The following ADAM23 variants were observed in gnomAD, a reference collection of about 807,000 sequenced individuals.
ADAM23 encodes the protein disintegrin and metalloproteinase domain-containing protein 23.
A neutral mutation model predicts 120.1 loss-of-function variants in ADAM23; 33 were observed. The observed-to-expected ratio is 0.27, with a 90% confidence interval of 0.21 to 0.37. The LOEUF (loss-of-function observed/expected upper bound fraction) is 0.37, where lower values mean the gene tolerates loss of function less well. Ranked by LOEUF, ADAM23 falls within the 10% of genes least tolerant of loss-of-function variation. The pLI is 1.00. For missense variants in ADAM23, 862 were observed against 1,058.2 expected (o/e 0.81, Z 2.57); for synonymous variants, 367 against 375.2 (o/e 0.98, Z 0.25).
At chr2:206,512,310 G>T (rs554500137) in intron 3 of ADAM23, among the ~76,000 whole-genome samples, 1 of 152,096 alleles carries the variant, frequency 6.6e-6, no homozygotes, top group Non-Finnish European at 1.5e-5. Flanking sequence ...TCAGGCATGA[G>T]ACACAGAAAA....
chr2:206,542,191 T>C, intron 5 of ADAM23, 57 bp downstream of exon 5: 5 of 1,525,428 alleles, frequency 3.3e-6, no homozygotes, highest in Non-Finnish European at 3.6e-6. Flanking sequence ...TTCCCTTTTA[T>C]GGATATATAT....
chr2:206,445,400 A>C lies in ADAM23; in HGVS notation c.308A>C (p.Tyr103Ser). The C allele has an allele frequency of 6.2e-7, 1 of 1,614,198 alleles. No individual in the cohort carries two copies. The highest frequency in any genetic ancestry group is 8.5e-7 in the Non-Finnish European group (1 of 1,180,014). Residue 103 changes from tyrosine (Y) to serine (S), a missense_variant, in exon 2 of 26, where the codon TAC becomes TCC. Coordinates refer to ENST00000264377, the MANE Select transcript of ADAM23 (RefSeq NM_003812.4). ...LQQNSSSNIS[Y>S]SNAMQKEITL... ...CAGAATAGCAGCAGTAATATCAGTT[A>C]CAGCAATGCAATGCAGAAAGAAATC... is the stretch of plus-strand genomic sequence containing the variant.
At chr2:206,498,623 A>G (rs1696311876) in intron 3 of ADAM23, among the ~76,000 whole-genome samples, 4 of 152,228 alleles carry the variant, frequency 2.6e-5, no homozygotes, top group South Asian at 4.1e-4. Context: ...ACCAAAAGCA[A>G]TGGCAACAAA....
chr2:206,455,854 G>T lies in ADAM23; in HGVS notation c.432+10330G>T, dbSNP rs556743151. 8.5e-5 allele frequency among the ~76,000 whole-genome samples: 13 copies of T among 152,236 alleles called. No homozygotes were observed. In the South Asian group the frequency reaches 2.3e-3, roughly 27 times the overall value. On this transcript the variant is annotated intron_variant, in intron 2 of 25. Coordinates refer to ENST00000264377, the MANE Select transcript of ADAM23 (RefSeq NM_003812.4). The stretch of plus-strand genomic sequence containing the variant: ...TTCCATTTCAGATCACCTCAGCCTG[G>T]ACTTTGCTGTCCATATCACTATCAG...
intron 2 of ADAM23, among the ~76,000 whole-genome samples, chr2:206,470,408 G>A (rs974509662): frequency 6.6e-6 from 1 of 152,148 alleles, no homozygotes; most frequent in Non-Finnish European, 1.5e-5. Flanking sequence ...ATAGTGGTCA[G>A]TATTCTAAAT....
chr2:206,582,121 G>T (rs13000871), intron 18 of ADAM23, among the ~76,000 whole-genome samples: 2 of 152,012 alleles, frequency 1.3e-5, no homozygotes, highest in Admixed American at 6.6e-5. Flanking sequence ...CAGGTGATCC[G>T]CCCGCCTTGG....
At chr2:206,614,647 T>A (rs1489445583) in intron 25 of ADAM23, among the ~76,000 whole-genome samples, 1 of 151,300 alleles carries the variant, frequency 6.6e-6, no homozygotes, top group Non-Finnish European at 1.5e-5. Flanking sequence ...AACAAAACTC[T>A]GTCTCAAAAA....
chr2:206,600,071 A>C (rs146689965), intron 24 of ADAM23, among the ~76,000 whole-genome samples: 3 of 152,110 alleles, frequency 2.0e-5, no homozygotes, highest in Non-Finnish European at 4.4e-5. Context: ...GCGTGGTGGC[A>C]GGCACCTGTA....
chr2:206,502,304 T>C (rs1219766755), intron 3 of ADAM23, among the ~76,000 whole-genome samples: 1 of 152,142 alleles, frequency 6.6e-6, no homozygotes, highest in Non-Finnish European at 1.5e-5. Flanking sequence ...TAAATAACTG[T>C]AGTTATTTTC....
At chr2:206,456,258 G>A (rs11675537) in intron 2 of ADAM23, among the ~76,000 whole-genome samples, 7,191 of 152,000 alleles carry the variant, frequency 0.047, 258 homozygotes, top group Non-Finnish European at 0.071. Flanking sequence ...AGCAAGCAAG[G>A]GGGGAAGTGC....
intron 3 of ADAM23, among the ~76,000 whole-genome samples, chr2:206,524,388 A>G (rs79081164): frequency 1.3e-5 from 2 of 152,094 alleles, no homozygotes; most frequent in Admixed American, 1.3e-4. Context: ...GACTTCCACA[A>G]CTTACACTGC....
At position 206,547,037 on chromosome 2, in the gene ADAM23, G is replaced by A. The variant is rs367983419; in HGVS notation, c.721-392G>A. Among the ~76,000 whole-genome samples the A allele has an allele frequency of 9.2e-5, 14 of 152,032 alleles. No homozygotes were observed. The East Asian group carries it at 9.7e-4, about 10-fold the overall frequency. On this transcript the variant is annotated intron_variant, in intron 6 of 25. Coordinates refer to ENST00000264377, the MANE Select transcript of ADAM23 (RefSeq NM_003812.4). The stretch of plus-strand genomic sequence containing the variant: ...ACAATGGTAATTAACTATGGATATC[G>A]TAATTTTTAAAACTTCATCAGTTTT...
intron 3 of ADAM23, among the ~76,000 whole-genome samples, chr2:206,506,429 A>G (rs1342735159): frequency 6.6e-6 from 1 of 152,258 alleles, no homozygotes; most frequent in Non-Finnish European, 1.5e-5. Context: ...TAGTGGGCTA[A>G]GCCTTTGCTC....
intron 3 of ADAM23, among the ~76,000 whole-genome samples, chr2:206,524,573 C>T (rs1368349767): frequency 1.3e-5 from 2 of 152,228 alleles, no homozygotes; most frequent in African/African-American, 2.4e-5. Context: ...ACTCACAGTT[C>T]CACCTGGCTA....
In ADAM23 at chr2:206,522,049, T is replaced by C. The variant is rs113668288; in HGVS notation, c.510-8836T>C. On this transcript the variant is annotated intron_variant, in intron 3 of 25. Coordinates refer to ENST00000264377, the MANE Select transcript of ADAM23 (RefSeq NM_003812.4). ...AATATTTCTTGTTTTCTTTTTTTCA[T>C]GAGTTGCATGTTGTATACATAATTC... Among the ~76,000 whole-genome samples the C allele has an allele frequency of 3.2e-3, 494 of 152,278 alleles. 7 individuals carry two copies. The highest frequency in any genetic ancestry group is 0.011 in the African/African-American group (468 of 41,574).
chr2:206,521,266 T>C (rs987445351), intron 3 of ADAM23, among the ~76,000 whole-genome samples: 5 of 152,264 alleles, frequency 3.3e-5, no homozygotes, highest in Admixed American at 1.3e-4. Context: ...CCAGCTGATA[T>C]TCAGGGAACA....
chr2:206,488,942 TGCAAACAGAAG>T lies in ADAM23; in HGVS notation c.509+7641_509+7651del, dbSNP rs536696419. Among the ~76,000 whole-genome samples the T allele has an allele frequency of 4.9e-3, 749 of 152,348 alleles. 1 individual carries two copies. The highest frequency in any genetic ancestry group is 0.014 in the Middle Eastern group (4 of 294). ...TCTTAAAGAACCTGAATTACCAAGC[TGCAAACAGAAG>T]GCAAACTGCCTGGTGGGAGTCCCTG... On this transcript the variant is annotated intron_variant, in intron 3 of 25. Coordinates refer to ENST00000264377, the MANE Select transcript of ADAM23 (RefSeq NM_003812.4).
At chr2:206,463,311 G>GGA (rs1695465312) in intron 2 of ADAM23, among the ~76,000 whole-genome samples, 2 of 152,188 alleles carry the variant, frequency 1.3e-5, no homozygotes, top group East Asian at 3.9e-4. Context: ...GTTGGAAACA[G>GGA]AGGTTTGAGT....
At chr2:206,607,340 A>C (rs1401499347) in intron 24 of ADAM23, 3 of 152,284 alleles carry the variant, frequency 2.0e-5, no homozygotes, top group Admixed American at 6.5e-5. Context: ...ATACAGAAGA[A>C]ACATTCCTTT....
Sources: gnomAD v4.1 joint callset for allele counts (sites outside exome capture counted in the v4.1 genomes callset) on GRCh38, gnomAD v4.1.1 for gene constraint, MANE v1.5 for transcripts, NCBI Gene and HGNC (gene_info 2026-07-23, HGNC 2026-07-21) for gene names.